CSGALNACT1: variants seen among roughly 807,000 people sequenced by gnomAD.
The protein encoded by CSGALNACT1 is chondroitin sulfate N-acetylgalactosaminyltransferase 1.
CSGALNACT1 carries 52 observed loss-of-function variants against 51.0 expected under a neutral mutation model. The ratio of observed to expected loss-of-function variants is 1.02; its 90% confidence interval spans 0.82 to 1.29. The LOEUF (loss-of-function observed/expected upper bound fraction) is 1.29, where lower values mean the gene tolerates loss of function less well. CSGALNACT1 is among the 50% of genes most tolerant of loss of function. The probability of loss-of-function intolerance (pLI) is 0.00; values close to 1 mark genes in which losing one functional copy is unlikely to be tolerated. For synonymous variants in CSGALNACT1, 341 were observed against 254.4 expected (o/e 1.34, Z -3.24); for missense variants, 935 against 679.2 (o/e 1.38, Z -4.19).
At chr8:19,478,937 G>C (rs2070577999) in intron 4 of CSGALNACT1, among the ~76,000 whole-genome samples, 1 of 152,128 alleles carries the variant, frequency 6.6e-6, no homozygotes, top group Admixed American at 6.5e-5. Flanking sequence ...TGGATGGTAG[G>C]AAAAACACCA....
intron 3 of CSGALNACT1, among the ~76,000 whole-genome samples, chr8:19,577,704 A>G (rs2044591468): frequency 6.6e-6 from 1 of 152,070 alleles, no homozygotes; most frequent in South Asian, 2.1e-4. Context: ...TTGGGTTTAA[A>G]ATAACAAGGC....
chr8:19,426,547 T>C, intron 6 of CSGALNACT1, among the ~76,000 whole-genome samples: 1 of 152,222 alleles, frequency 6.6e-6, no homozygotes, highest in East Asian at 1.9e-4. Context: ...TAACTTCCTG[T>C]TATGAAACTG....
intron 3 of CSGALNACT1, among the ~76,000 whole-genome samples, chr8:19,590,640 C>CTTT (rs34859554): frequency 0.03 from 2,072 of 69,032 alleles, 320 homozygotes; most frequent in East Asian, 0.13. Context: ...GACCTAACTA[C>CTTT]TTTTTTTTTT....
intron 3 of CSGALNACT1, among the ~76,000 whole-genome samples, chr8:19,560,567 G>A (rs896632773): frequency 4.2e-4 from 64 of 152,152 alleles, no homozygotes; most frequent in African/African-American, 1.4e-3. Context: ...ATGGAAAAAT[G>A]ACCCACTTCA....
In CSGALNACT1 at chr8:19,497,910, C is replaced by A. The variant is rs534209306; in HGVS notation, c.634+7291G>T. On this transcript the variant is annotated intron_variant, in intron 4 of 9. Transcript: ENST00000454498. Reference sequence around the variant, plus strand: ...CCCTTACATACCTAAGACCGGGAAGCCCCCTCCCCGCTTTGAGTCTTACCA... The same window carrying A: ...CCCTTACATACCTAAGACCGGGAAGACCCCTCCCCGCTTTGAGTCTTACCA... 1.1e-4 allele frequency among the ~76,000 whole-genome samples: 16 copies of A among 152,216 alleles called. No individual in the cohort carries two copies. In the East Asian group the frequency reaches 2.9e-3, roughly 28 times the overall value.
intron 1 of CSGALNACT1, among the ~76,000 whole-genome samples, chr8:19,655,032 G>A (rs1013964953): frequency 4.6e-5 from 7 of 151,908 alleles, no homozygotes; most frequent in African/African-American, 1.5e-4. Context: ...TTAAAAAATG[G>A]GTATCAAAAT....
intron 4 of CSGALNACT1, among the ~76,000 whole-genome samples, chr8:19,475,672 C>G (rs946798529): frequency 1.3e-5 from 2 of 152,114 alleles, no homozygotes; most frequent in African/African-American, 4.8e-5. Context: ...AAGCAAACAA[C>G]TTAAATACTG....
intron 3 of CSGALNACT1, among the ~76,000 whole-genome samples, chr8:19,581,500 G>T (rs765447038): frequency 2.0e-5 from 3 of 152,098 alleles, no homozygotes; most frequent in African/African-American, 7.2e-5. Context: ...CCTGTCACTC[G>T]GGAGGCTTAG....
At chr8:19,511,229 C>G (rs1276259390) in intron 3 of CSGALNACT1, among the ~76,000 whole-genome samples, 1 of 152,212 alleles carries the variant, frequency 6.6e-6, no homozygotes, top group Non-Finnish European at 1.5e-5. Context: ...GACATCTCCA[C>G]CCCGTGTGCA....
intron 3 of CSGALNACT1, among the ~76,000 whole-genome samples, chr8:19,542,094 G>T (rs1413549655): frequency 6.6e-6 from 1 of 151,962 alleles, no homozygotes. Context: ...GAAGCAAAAA[G>T]AATAAATGAC....
intron 1 of CSGALNACT1, among the ~76,000 whole-genome samples, chr8:19,665,942 C>G (rs1255731566): frequency 6.6e-6 from 1 of 152,172 alleles, no homozygotes; most frequent in Non-Finnish European, 1.5e-5. Flanking sequence ...TGTCGATTTT[C>G]CAGGCTTCTT....
intron 1 of CSGALNACT1, among the ~76,000 whole-genome samples, chr8:19,654,457 C>T (rs1205738187): frequency 6.6e-6 from 1 of 152,202 alleles, no homozygotes. Context: ...GCCCCAACTC[C>T]TTAATGGTTG....
chr8:19,516,421 C>T (rs994227092), intron 3 of CSGALNACT1, among the ~76,000 whole-genome samples: 1 of 152,160 alleles, frequency 6.6e-6, no homozygotes, highest in Non-Finnish European at 1.5e-5. Flanking sequence ...TCATTCTACA[C>T]CCAGCGTGTC....
chr8:19,692,081 T>C (rs1186066324), intron 1 of CSGALNACT1, among the ~76,000 whole-genome samples: 2 of 152,018 alleles, frequency 1.3e-5, no homozygotes, highest in African/African-American at 4.8e-5. Flanking sequence ...GAAAACTGCC[T>C]TGGAAAACCA....
intron 1 of CSGALNACT1, among the ~76,000 whole-genome samples, chr8:19,748,828 G>C (rs906116880): frequency 6.6e-6 from 1 of 152,078 alleles, no homozygotes; most frequent in Non-Finnish European, 1.5e-5. Flanking sequence ...AGCCGGGTGT[G>C]GTGGCGAGTG....
At chr8:19,480,414 AG>A (rs2071037777) in intron 4 of CSGALNACT1, among the ~76,000 whole-genome samples, 2 of 152,186 alleles carry the variant, frequency 1.3e-5, no homozygotes, top group Non-Finnish European at 2.9e-5. Context: ...AGTGGTCTCC[AG>A]CTCCATCCAG....
At chr8:19,552,750 T>G (rs1342726082) in intron 3 of CSGALNACT1, among the ~76,000 whole-genome samples, 1 of 152,244 alleles carries the variant, frequency 6.6e-6, no homozygotes, top group African/African-American at 2.4e-5. Context: ...ATTAGTTTCC[T>G]TGTGTAAAAA....
At chr8:19,441,887 C>A (rs1008675257) in intron 5 of CSGALNACT1, among the ~76,000 whole-genome samples, 3 of 150,914 alleles carry the variant, frequency 2.0e-5, no homozygotes, top group Non-Finnish European at 3.0e-5. Flanking sequence ...AAACAAACAA[C>A]CCCATCAAAA....
intron 3 of CSGALNACT1, among the ~76,000 whole-genome samples, chr8:19,521,404 C>G (rs1054552408): frequency 6.6e-6 from 1 of 152,210 alleles, no homozygotes; most frequent in East Asian, 1.9e-4. Flanking sequence ...GCCCAGGGGG[C>G]CGGCACGGTG....
Sources: allele counts gnomAD v4.1 joint callset (sites outside exome capture counted in the v4.1 genomes callset), GRCh38; gene constraint gnomAD v4.1.1; transcripts MANE v1.5; gene names NCBI Gene and HGNC (gene_info 2026-07-23, HGNC 2026-07-21).